Variants in RANBP3L observed in about 807,000 individuals in gnomAD.
The protein encoded by RANBP3L is ran-binding protein 3-like.
A neutral mutation model predicts 67.2 loss-of-function variants in RANBP3L; 56 were observed. The ratio of observed to expected loss-of-function variants is 0.83; its 90% CI spans 0.67 to 1.04. The LOEUF (loss-of-function observed/expected upper bound fraction) is 1.04. Ranked by LOEUF, RANBP3L falls within the 50% of genes least tolerant of loss-of-function variation. The pLI is 0.00. For synonymous variants in RANBP3L, 164 were observed against 181.4 expected (o/e 0.90, Z 0.77); for missense variants, 496 against 535.5 (o/e 0.93, Z 0.73).
At chr5:36,251,601 A>G in intron 12 of RANBP3L, 102 bp from the exon 13 acceptor site, 1 of 914,116 alleles carries the variant, frequency 1.1e-6, no homozygotes, top group South Asian at 1.9e-5. Context: ...ATTACATGGC[A>G]TAAATCTACA....
rs778789726 is a variant in RANBP3L, at chr5:36,301,463, T to G, written c.-47A>C. On this transcript the variant is annotated 5_prime_UTR_variant, in exon 1 of 14. Coordinates refer to ENST00000296604, the MANE Select transcript of RANBP3L (RefSeq NM_145000.5). ...ACTCAAGGATCACTAGGGCACCTCC[T>G]TCTCTGGCCAGTCACCTAAAGTGGC... 6.9e-7 allele frequency: 1 copy of G among 1,456,894 alleles called. No individual in the cohort carries two copies. The highest frequency in any genetic ancestry group is 9.6e-7 in the Non-Finnish European group (1 of 1,042,286). 90.2% of individuals were successfully genotyped at this position (1,456,894 alleles called of 1,614,324 possible).
intron 6 of RANBP3L, among the ~76,000 whole-genome samples, chr5:36,264,282 CA>C (rs1451553506): frequency 2.6e-5 from 4 of 152,228 alleles, no homozygotes; most frequent in Non-Finnish European, 4.4e-5. Flanking sequence ...GAATAACTCT[CA>C]AATTCCAACC....
intron 10 of RANBP3L, among the ~76,000 whole-genome samples, chr5:36,256,014 T>C (rs4869634): frequency 0.86 from 130,785 of 152,052 alleles, 57,840 homozygotes; most frequent in Non-Finnish European, 0.97. Context: ...TATACATCAA[T>C]TTTTATATTA....
At chr5:36,266,917 C>T (rs935961530) in intron 4 of RANBP3L, among the ~76,000 whole-genome samples, 47 of 152,088 alleles carry the variant, frequency 3.1e-4, no homozygotes, top group Non-Finnish European at 5.7e-4. Flanking sequence ...ACACCATGCC[C>T]GGCTAATTTT....
At chr5:36,279,202 T>C (rs1263913753) in intron 1 of RANBP3L, among the ~76,000 whole-genome samples, 1 of 152,134 alleles carries the variant, frequency 6.6e-6, no homozygotes, top group Non-Finnish European at 1.5e-5. Context: ...CAACCTATGT[T>C]GAAGTATTTT....
intron 2 of RANBP3L, 25 bp downstream of exon 2, chr5:36,271,228 T>G: frequency 7.7e-7 from 1 of 1,295,882 alleles, no homozygotes; most frequent in Non-Finnish European, 1.1e-6. Context: ...AAAGTAAAAT[T>G]GAACAAAGAA....
At chr5:36,270,125 A>C (rs1302503469) in intron 2 of RANBP3L, 135 bp from the exon 3 acceptor site, 2 of 748,866 alleles carry the variant, frequency 2.7e-6, no homozygotes, top group East Asian at 2.5e-5. Flanking sequence ...CTAGTACATC[A>C]GATTTCCACC....
At chr5:36,295,280 C>T (rs1050545248) in intron 1 of RANBP3L, among the ~76,000 whole-genome samples, 3 of 152,148 alleles carry the variant, frequency 2.0e-5, no homozygotes, top group East Asian at 1.9e-4. Flanking sequence ...ATGGGAGGGA[C>T]CCAGTGGGAG....
chr5:36,274,345 G>T (rs1750428754), intron 1 of RANBP3L, among the ~76,000 whole-genome samples: 1 of 152,072 alleles, frequency 6.6e-6, no homozygotes, highest in Non-Finnish European at 1.5e-5. Flanking sequence ...GAAGTACCAG[G>T]CTCTCAACAG....
At chr5:36,291,123 T>A (rs1751722195) in intron 1 of RANBP3L, among the ~76,000 whole-genome samples, 1 of 151,850 alleles carries the variant, frequency 6.6e-6, no homozygotes, top group Non-Finnish European at 1.5e-5. Context: ...CTCAGTAGTG[T>A]GAACTGTATT....
chr5:36,277,438 ATATG>A (rs1180273305), intron 1 of RANBP3L, among the ~76,000 whole-genome samples: 68 of 82,256 alleles, frequency 8.3e-4, no homozygotes, highest in Middle Eastern at 5.3e-3. Flanking sequence ...ATATATATAT[ATATG>A]TGTGTGTGTG....
At chr5:36,275,184 C>T (rs1750484822) in intron 1 of RANBP3L, among the ~76,000 whole-genome samples, 1 of 152,182 alleles carries the variant, frequency 6.6e-6, no homozygotes, top group Non-Finnish European at 1.5e-5. Flanking sequence ...ACTTGTAATT[C>T]TGCTCCACAA....
chr5:36,253,545 C>T, intron 12 of RANBP3L, 102 bp downstream of exon 12: 2 of 916,658 alleles, frequency 2.2e-6, no homozygotes, highest in Non-Finnish European at 1.7e-6. Context: ...GAGTTTTTGC[C>T]AATGGTACAG....
intron 1 of RANBP3L, among the ~76,000 whole-genome samples, chr5:36,292,754 A>G (rs1751891838): frequency 6.6e-6 from 1 of 151,374 alleles, no homozygotes; most frequent in Admixed American, 6.6e-5. Context: ...TGTTCCATTG[A>G]TCTATATCTC....
chr5:36,288,982 T>C (rs1751518857), intron 1 of RANBP3L, among the ~76,000 whole-genome samples: 1 of 152,188 alleles, frequency 6.6e-6, no homozygotes, highest in Non-Finnish European at 1.5e-5. Context: ...AGTGCTTTTT[T>C]GTCAGTCTAA....
intron 1 of RANBP3L, among the ~76,000 whole-genome samples, chr5:36,285,559 T>C (rs1231631464): frequency 1.3e-5 from 2 of 152,176 alleles, no homozygotes; most frequent in Non-Finnish European, 2.9e-5. Context: ...TGTTAAAAAA[T>C]GTAGAGAAGT....
At position 36,277,382 on chromosome 5, in the gene RANBP3L, G is replaced by A. The variant is rs369803186; in HGVS notation, c.92-6071C>T. Among the ~76,000 whole-genome samples, 37 of 149,058 alleles carry A rather than the reference G, an allele frequency of 2.5e-4. 1 individual carries two copies. The highest frequency in any genetic ancestry group is 1.7e-3 in the South Asian group (8 of 4,700). Reference sequence around the variant, plus strand: ...GAGCTGTATTTTAAATAAAGGACTCGAGCCTCAGCTTTTTCATCTCTCTCT... The same window carrying A: ...GAGCTGTATTTTAAATAAAGGACTCAAGCCTCAGCTTTTTCATCTCTCTCT... On this transcript the variant is annotated intron_variant, in intron 1 of 13. Transcript: ENST00000296604.
intron 1 of RANBP3L, among the ~76,000 whole-genome samples, chr5:36,290,835 G>A (rs1340127961): frequency 2.1e-5 from 3 of 140,614 alleles, no homozygotes; most frequent in East Asian, 4.4e-4. Context: ...GGGTTCAAGC[G>A]ATTCTCCTGC....
chr5:36,299,326 C>T (rs1247088392), intron 1 of RANBP3L, among the ~76,000 whole-genome samples: 1 of 140,800 alleles, frequency 7.1e-6, no homozygotes, highest in African/African-American at 2.9e-5. Flanking sequence ...TATATATACA[C>T]ATACATATAT....
Sources: gnomAD v4.1 joint callset for allele counts (sites outside exome capture counted in the v4.1 genomes callset) on GRCh38, gnomAD v4.1.1 for gene constraint, MANE v1.5 for transcripts, NCBI Gene and HGNC (gene_info 2026-07-23, HGNC 2026-07-21) for gene names.